The following ADGRG3 variants were observed in gnomAD, a reference collection of about 807,000 sequenced individuals.
ADGRG3 encodes G protein-coupled receptor 97.
Under a neutral mutation model 54.3 loss-of-function variants are expected in ADGRG3, and 39 were observed. That is an observed-to-expected ratio of 0.72 (90% CI 0.56 to 0.94). The LOEUF (loss-of-function observed/expected upper bound fraction) is 0.94. Among genes scored for constraint, ADGRG3 ranks in the 40% least tolerant of loss-of-function variants. The pLI, the probability that ADGRG3 is intolerant of heterozygous loss-of-function variation, is 0.00. For synonymous variants in ADGRG3, 312 were observed against 290.0 expected (o/e 1.08, Z -0.77); for missense variants, 654 against 694.6 (o/e 0.94, Z 0.66).
chr16:57,685,276 C>T (rs565002340), intron 10 of ADGRG3, among the ~76,000 whole-genome samples: 1 of 152,304 alleles, frequency 6.6e-6, no homozygotes, highest in East Asian at 1.9e-4. Context: ...ACAAGCCCAT[C>T]TAATTAGCGG....
chr16:57,672,097 T>C (rs1343135463), intron 1 of ADGRG3, among the ~76,000 whole-genome samples: 4 of 152,184 alleles, frequency 2.6e-5, no homozygotes, highest in Non-Finnish European at 2.9e-5. Flanking sequence ...GGAGGATCGA[T>C]TGAGCCTGGG....
At chr16:57,682,419 G>A in intron 8 of ADGRG3, 1 of 916,936 alleles carries the variant, frequency 1.1e-6, no homozygotes. Context: ...CCCCAACTAG[G>A]CCCACCCAAT....
chr16:57,679,206 C>A lies in ADGRG3; in HGVS notation c.522C>A (p.Ser174Arg), dbSNP rs765606115. 1.9e-6 allele frequency: 3 copies of A among 1,613,930 alleles called. No individual in the cohort carries two copies. Among genetic ancestry groups the A allele is most frequent in the Admixed American group, 3.3e-5 (2 of 60,010 alleles). ...CCCGGCTCGGCCTGGGAGATGGCAG[C>A]GGCGTGTTGAACAATCGCCTGGTGG... is the stretch of plus-strand genomic sequence containing the variant. ...KGPRLGLGDGSGVLNNRLVGL... is the reference protein window; with the variant it reads ...KGPRLGLGDGRGVLNNRLVGL... Residue 174 changes from serine (S) to arginine (R), a missense_variant, in exon 5 of 12, where the codon AGC (serine) becomes AGA (arginine). Coordinates refer to ENST00000333493, the MANE Select transcript of ADGRG3 (RefSeq NM_170776.5).
intron 3 of ADGRG3, among the ~76,000 whole-genome samples, chr16:57,677,343 G>A (rs550419397): frequency 6.6e-6 from 1 of 152,218 alleles, no homozygotes; most frequent in Non-Finnish European, 1.5e-5. Context: ...AGCACTTTGG[G>A]AGGCCAAGGC....
Position 57,668,373 on chromosome 16 carries a change from C to CCCTGCT in ADGRG3, c.36_41dup (p.Leu15_Leu16dup). The CCCTGCT allele has an allele frequency of 1.3e-6, 2 of 1,575,746 alleles. No individual in the cohort carries two copies. Among genetic ancestry groups the CCCTGCT allele is most frequent in the Non-Finnish European group, 1.7e-6 (2 of 1,168,004 alleles). ...ATGGCGACGCCCAGGGGCCTGGGGG[C>CCCTGCT]CCTGCTCCTGCTCCTCCTGCTCCCG... is the stretch of plus-strand genomic sequence containing the variant. On this transcript the variant is annotated inframe_insertion, in exon 1 of 12. Coordinates refer to ENST00000333493, the MANE Select transcript of ADGRG3 (RefSeq NM_170776.5).
At position 57,682,287 on chromosome 16, in the gene ADGRG3, T is replaced by C. The variant is rs77491187; in HGVS notation, c.882-1645T>C. 2.9e-3 allele frequency among the ~76,000 whole-genome samples: 439 copies of C among 152,284 alleles called. 9 individuals are homozygous for C. The South Asian group carries it at 0.051, about 18-fold the overall frequency. On this transcript the variant is annotated intron_variant, in intron 8 of 11. Transcript: ENST00000333493. The stretch of plus-strand genomic sequence containing the variant: ...CAGTGCTCCAGCTTGTCCTGTCCCC[T>C]GCCTCCTGGGGGTCCCTGGGGGTGG...
At chr16:57,675,372 C>G (rs1171967051) in intron 2 of ADGRG3, among the ~76,000 whole-genome samples, 1 of 152,074 alleles carries the variant, frequency 6.6e-6, no homozygotes, top group Admixed American at 6.5e-5. Context: ...TGCCTGTAAT[C>G]CCAGCACTTT....
In ADGRG3 at chr16:57,675,012, A is replaced by AAAAAAAGC. The variant is rs35561154; in HGVS notation, c.207-1187_207-1186insAAAAAGCA. ...CTCCATCTCAAAAAAAAAAAAAAAA[A>AAAAAAAGC]AGCAGCAGCAGCAGCAGCAGCAGCA... On this transcript the variant is annotated intron_variant, in intron 2 of 11. Coordinates refer to ENST00000333493, the MANE Select transcript of ADGRG3 (RefSeq NM_170776.5). 5.3e-4 allele frequency among the ~76,000 whole-genome samples: 61 copies of AAAAAAAGC among 115,446 alleles called. 3 individuals are homozygous for AAAAAAAGC. Among genetic ancestry groups the AAAAAAAGC allele is most frequent in the East Asian group, 1.3e-3 (5 of 3,976 alleles). 75.7% of individuals were successfully genotyped at this position (115,446 alleles called of 152,430 possible).
intron 2 of ADGRG3, chr16:57,674,494 T>TA (rs1379224939): frequency 4.7e-6 from 2 of 421,316 alleles, no homozygotes; most frequent in Non-Finnish European, 9.6e-6. Flanking sequence ...AGGAATGAGT[T>TA]AAAGCCCTGC....
chr16:57,683,828 G>C, intron 8 of ADGRG3, 104 bp from the exon 9 acceptor site: 1 of 829,728 alleles, frequency 1.2e-6, no homozygotes, highest in Non-Finnish European at 1.8e-6. Context: ...AGCTGGCAGT[G>C]GGGGTGGAGA....
chr16:57,672,393 A>G (rs2048179427), intron 1 of ADGRG3, among the ~76,000 whole-genome samples: 1 of 152,148 alleles, frequency 6.6e-6, no homozygotes, highest in Non-Finnish European at 1.5e-5. Flanking sequence ...TAAAAAAATG[A>G]TGTACTTATA....
chr16:57,683,917 T>C lies in ADGRG3; in HGVS notation c.882-15T>C. 2 of 1,525,702 alleles carry C rather than the reference T, an allele frequency of 1.3e-6. No homozygotes were observed. Among genetic ancestry groups the C allele is most frequent in the Non-Finnish European group, 1.8e-6 (2 of 1,137,302 alleles). The allele number at this position is 1,525,702 out of a possible 1,614,324, so 94.5% of individuals were successfully genotyped here. On this transcript the variant is annotated splice_polypyrimidine_tract_variant and intron_variant, in intron 8 of 11. Transcript: ENST00000333493. ...GGAGCTGTGGCCCCTTGGGGCCTCT[T>C]ATTTCTCACCCCAGGCTTTCCCGGG...
Position 57,683,943 on chromosome 16 carries a change from A to C in ADGRG3, c.893A>C (p.Glu298Ala). ...ILYAFLRLSR[E>A]RFKSEDAPKI... is the part of the protein sequence containing the mutation. ...ATTTCTCACCCCAGGCTTTCCCGGG[A>C]GAGGTTCAAGTCAGAAGATGCCCCA... Residue 298 changes from glutamate (E) to alanine (A), a missense_variant, in exon 9 of 12, where the codon GAG (glutamate) becomes GCG (alanine). Coordinates refer to ENST00000333493, the MANE Select transcript of ADGRG3 (RefSeq NM_170776.5). The C allele has an allele frequency of 2.6e-6, 4 of 1,549,186 alleles. No individual in the cohort carries two copies. Among genetic ancestry groups the C allele is most frequent in the Non-Finnish European group, 3.5e-6 (4 of 1,146,340 alleles).
chr16:57,678,479 C>A, intron 4 of ADGRG3, 163 bp downstream of exon 4: 1 of 642,074 alleles, frequency 1.6e-6, no homozygotes, highest in Non-Finnish European at 2.7e-6. Flanking sequence ...AGACACCTGT[C>A]ACTAGAGTCT....
intron 8 of ADGRG3, among the ~76,000 whole-genome samples, chr16:57,681,365 TGTGTGTGTGTGCGCGC>T (rs1191182429): frequency 6.0e-5 from 7 of 117,516 alleles, no homozygotes; most frequent in African/African-American, 3.2e-4. Context: ...TGTGTGTGTG[TGTGTGTGTGTGCGCGC>T]GTGCGTGCGC....
chr16:57,676,518 C>T (rs1415423943), intron 3 of ADGRG3, among the ~76,000 whole-genome samples, 180 bp downstream of exon 3: 1 of 152,184 alleles, frequency 6.6e-6, no homozygotes. Flanking sequence ...CTAAAATTTC[C>T]GTGAGCTCCT....
At position 57,684,035 on chromosome 16, in the gene ADGRG3, A is replaced by C. The variant is rs779890554; in HGVS notation, c.985A>C (p.Ser329Arg). ...TCTGGCCTTCTTGGTCAATGTGGGG[A>C]GTGGCTCAAAGGGGTCTGATGCTGC... Reference protein sequence around the residue: ...LNLAFLVNVGSGSKGSDAACW... With the variant: ...LNLAFLVNVGRGSKGSDAACW... The change falls in exon 9 of 12, where the codon AGT becomes CGT. Residue 329 changes from serine (S) to arginine (R), a missense_variant. Coordinates refer to ENST00000333493, the MANE Select transcript of ADGRG3 (RefSeq NM_170776.5). 4 of 1,613,354 alleles carry C rather than the reference A, an allele frequency of 2.5e-6. No homozygotes were observed. The highest frequency in any genetic ancestry group is 3.4e-6 in the Non-Finnish European group (4 of 1,179,656).
intron 2 of ADGRG3, chr16:57,674,447 A>G (rs2148698477): frequency 4.4e-6 from 1 of 229,004 alleles, no homozygotes. Context: ...CTAGAAAAGC[A>G]CGTGGCTTAC....
chr16:57,675,504 A>G (rs57291734), intron 2 of ADGRG3, among the ~76,000 whole-genome samples: 4,004 of 151,804 alleles, frequency 0.026, 142 homozygotes, highest in African/African-American at 0.089. Context: ...GGTGGCTCAC[A>G]CCTGTAATCC....
Sources: allele counts gnomAD v4.1 joint callset (sites outside exome capture counted in the v4.1 genomes callset), GRCh38; gene constraint gnomAD v4.1.1; transcripts MANE v1.5; gene names NCBI Gene and HGNC (gene_info 2026-07-23, HGNC 2026-07-21).